CAT: variants seen among roughly 807,000 people sequenced by gnomAD.
The protein encoded by CAT is epididymis secretory sperm binding protein.
In CAT, 43 loss-of-function variants were observed where a neutral mutation model predicts 59.0. That is an observed-to-expected ratio of 0.73 (90% CI 0.57 to 0.94). The LOEUF (loss-of-function observed/expected upper bound fraction) is 0.94, where lower values mean the gene tolerates loss of function less well. Ranked by LOEUF, CAT falls within the 40% of genes least tolerant of loss-of-function variation. The probability of loss-of-function intolerance (pLI) is 0.00; values close to 1 mark genes in which losing one functional copy is unlikely to be tolerated. For synonymous variants in CAT, 218 were observed against 230.9 expected (o/e 0.94, Z 0.51); for missense variants, 664 against 682.9 (o/e 0.97, Z 0.31).
chr11:34,453,117 A>T lies in CAT; in HGVS notation c.508A>T (p.Arg170Ter). The change falls in exon 5 of 13, where the codon AGA (arginine) becomes TGA (stop). Residue 170 changes from arginine (R) to a stop codon, truncating the protein, a stop_gained. Transcript: ENST00000241052. LOFTEE classifies it high-confidence loss of function. ...TCCATCTTTTATCCACAGCCAAAAGAGAAATCCTCAGACACATCTGAAGGA... is the reference window on the plus strand; with the variant it reads ...TCCATCTTTTATCCACAGCCAAAAGTGAAATCCTCAGACACATCTGAAGGA... The part of the protein sequence containing the change: ...LFPSFIHSQK[R>*]NPQTHLKDPD... 6.2e-7 allele frequency: 1 copy of T among 1,613,102 alleles called. No homozygotes were observed. The highest frequency in any genetic ancestry group is 2.2e-5 in the East Asian group (1 of 44,860).
At chr11:34,471,100 G>T in intron 12 of CAT, 59 bp downstream of exon 12, 1 of 1,399,894 alleles carries the variant, frequency 7.1e-7, no homozygotes, top group South Asian at 1.2e-5. Context: ...GAGTAGGCAT[G>T]ACTTAGTTAC....
intron 3 of CAT, 104 bp downstream of exon 3, chr11:34,451,202 C>G (rs1045900095): frequency 1.3e-6 from 1 of 784,566 alleles, no homozygotes; most frequent in Admixed American, 1.8e-5. Context: ...GAAGCAAGCA[C>G]TTCTCCAAAT....
At chr11:34,441,322 CTG>C (rs1304866916) in intron 1 of CAT, among the ~76,000 whole-genome samples, 1 of 152,134 alleles carries the variant, frequency 6.6e-6, no homozygotes, top group Non-Finnish European at 1.5e-5. Context: ...ACATTTTGCC[CTG>C]TGTCTTTTAT....
intron 9 of CAT, among the ~76,000 whole-genome samples, chr11:34,463,620 C>T (rs930965474): frequency 6.6e-6 from 1 of 152,210 alleles, no homozygotes; most frequent in Non-Finnish European, 1.5e-5. Flanking sequence ...ATGCTTGTGT[C>T]TGTAGATTCA....
At chr11:34,467,782 A>G (rs781267610) in intron 10 of CAT, among the ~76,000 whole-genome samples, 2 of 152,226 alleles carry the variant, frequency 1.3e-5, no homozygotes, top group Non-Finnish European at 2.9e-5. Context: ...CACTATTAAT[A>G]TGTCTTGCTT....
intron 9 of CAT, among the ~76,000 whole-genome samples, chr11:34,462,612 A>G (rs555072632): frequency 6.6e-6 from 1 of 152,040 alleles, no homozygotes; most frequent in African/African-American, 2.4e-5. Flanking sequence ...TAGTAGAGAC[A>G]GGGTTTCATT....
In CAT at chr11:34,450,889, T is replaced by C. The variant is rs1856516212; in HGVS notation, c.239-99T>C. ...ATACTGGAAGCTCCCAGAAGGCTGG[T>C]GCTAACCATCATTTTCTCTTGTCAC... On this transcript the variant is annotated intron_variant, in intron 2 of 12. Coordinates refer to ENST00000241052, the MANE Select transcript of CAT (RefSeq NM_001752.4). The C allele has an allele frequency of 1.2e-5, 10 of 828,646 alleles. 1 individual carries two copies. In the East Asian group the frequency reaches 2.4e-4, roughly 20 times the overall value. 51.3% of individuals were successfully genotyped at this position (828,646 alleles called of 1,614,324 possible).
chr11:34,470,673 T>A, intron 11 of CAT: 1 of 428,876 alleles, frequency 2.3e-6, no homozygotes. Flanking sequence ...ATAGTATTTT[T>A]AAAATTATAC....
At chr11:34,465,599 T>C (rs530763305) in intron 10 of CAT, among the ~76,000 whole-genome samples, 8 of 152,318 alleles carry the variant, frequency 5.3e-5, no homozygotes, top group African/African-American at 1.9e-4. Flanking sequence ...CTCATTCTTA[T>C]TGAGAGAATT....
intron 7 of CAT, 101 bp downstream of exon 7, chr11:34,456,303 T>C: frequency 1.1e-6 from 1 of 914,614 alleles, no homozygotes; most frequent in East Asian, 2.6e-5. Context: ...GGAAGTCATA[T>C]ACAAAATACA....
rs1357658591 is a variant in CAT, at chr11:34,468,230, T to C, written c.1327-58T>C. The stretch of plus-strand genomic sequence containing the variant: ...TTTCCTAAGTGTTGTAGTAGGTGAA[T>C]TTTGTTGGTGATAAACTGGTGATTC... On this transcript the variant is annotated intron_variant, in intron 10 of 12. Coordinates refer to ENST00000241052, the MANE Select transcript of CAT (RefSeq NM_001752.4). The C allele has an allele frequency of 1.1e-5, 13 of 1,203,570 alleles. No homozygotes were observed. The East Asian group carries it at 2.8e-4, about 26-fold the overall frequency. The allele number at this position is 1,203,570 out of a possible 1,614,324, so 74.6% of individuals were successfully genotyped here. A position where few individuals can be genotyped will look rare whatever the true frequency, so the allele number is the denominator to read the frequency against.
In CAT at chr11:34,453,320, G is replaced by T. The variant is rs925208552; in HGVS notation, c.585+126G>T. 1.2e-5 allele frequency: 9 copies of T among 758,894 alleles called. No homozygotes were observed. The Admixed American group carries it at 1.4e-4, about 12-fold the overall frequency. The allele number at this position is 758,894 out of a possible 1,614,324, so 47.0% of individuals were successfully genotyped here. On this transcript the variant is annotated intron_variant, in intron 5 of 12. Coordinates refer to ENST00000241052, the MANE Select transcript of CAT (RefSeq NM_001752.4). ...ATCAGCTTCCTCAGATTTCTTGATC[G>T]TGAAGAGTTTTGTAGTAACTGGCTT...
chr11:34,464,842 CT>C (rs560050987), intron 10 of CAT, among the ~76,000 whole-genome samples: 74 of 147,364 alleles, frequency 5.0e-4, no homozygotes, highest in Middle Eastern at 3.6e-3. Flanking sequence ...TCCATTATTA[CT>C]TTTTTTTTTT....
At chr11:34,459,883 C>T (rs1856629465) in intron 8 of CAT, among the ~76,000 whole-genome samples, 1 of 152,220 alleles carries the variant, frequency 6.6e-6, no homozygotes, top group African/African-American at 2.4e-5. Flanking sequence ...CAACCTATAG[C>T]TGAGTTTTGG....
intron 1 of CAT, among the ~76,000 whole-genome samples, chr11:34,443,241 C>G (rs1444704109): frequency 6.6e-6 from 1 of 152,188 alleles, no homozygotes; most frequent in Non-Finnish European, 1.5e-5. Flanking sequence ...GTTGCCTCCT[C>G]TCTCAAGAAT....
chr11:34,462,430 A>G (rs1384191677), intron 9 of CAT, among the ~76,000 whole-genome samples: 2 of 151,982 alleles, frequency 1.3e-5, no homozygotes, highest in Non-Finnish European at 2.9e-5. Context: ...TTATTTATCT[A>G]TTTATTTATT....
chr11:34,470,564 G>T, intron 11 of CAT: 1 of 250,340 alleles, frequency 4.0e-6, no homozygotes, highest in South Asian at 5.1e-5. Flanking sequence ...CCTCCATCAG[G>T]AATCTATGTA....
chr11:34,458,230 G>A (rs1326817294), intron 8 of CAT, among the ~76,000 whole-genome samples: 2 of 152,176 alleles, frequency 1.3e-5, no homozygotes, highest in Non-Finnish European at 2.9e-5. Context: ...CACAAAGGTG[G>A]GACATGTTAG....
Position 34,453,203 on chromosome 11 carries a change from C to T in CAT, c.585+9C>T. 6.6e-7 allele frequency: 1 copy of T among 1,517,388 alleles called. No individual in the cohort carries two copies. Among genetic ancestry groups the T allele is most frequent in the Non-Finnish European group, 9.2e-7 (1 of 1,091,762 alleles). 94.0% of individuals were successfully genotyped at this position (1,517,388 alleles called of 1,614,324 possible). A position where few individuals can be genotyped will look rare whatever the true frequency, so the allele number is the denominator to read the frequency against. On this transcript the variant is annotated intron_variant, in intron 5 of 12. Coordinates refer to ENST00000241052, the MANE Select transcript of CAT (RefSeq NM_001752.4). ...CTGAGTCTCTGCATCAGGTATGAAC[C>T]CTTTTTTGCCATTGTATTATATCAC...
Sources: gnomAD v4.1 joint callset for allele counts (sites outside exome capture counted in the v4.1 genomes callset) on GRCh38, gnomAD v4.1.1 for gene constraint, MANE v1.5 for transcripts, NCBI Gene and HGNC (gene_info 2026-07-23, HGNC 2026-07-21) for gene names.